Variants in LARS2 observed in about 807,000 individuals in gnomAD.
LARS2 encodes the protein leucyl-tRNA synthetase 2, mitochondrial.
Under a neutral mutation model 116.6 loss-of-function variants are expected in LARS2, and 81 were observed. The ratio of observed to expected loss-of-function variants is 0.69; its 90% CI spans 0.58 to 0.84. The LOEUF is 0.84. Among genes scored for constraint, LARS2 ranks in the 40% least tolerant of loss-of-function variants. The pLI is 0.00. For synonymous variants in LARS2, 396 were observed against 407.2 expected (o/e 0.97, Z 0.33); for missense variants, 968 against 1,114.5 (o/e 0.87, Z 1.87).
chr3:45,458,367 T>C (rs201750962), intron 7 of LARS2, among the ~76,000 whole-genome samples: 16 of 152,112 alleles, frequency 1.1e-4, no homozygotes, highest in Non-Finnish European at 2.2e-4. Flanking sequence ...CCCTCTCCCA[T>C]GTAAGAAACC....
At chr3:45,494,271 G>A (rs1271680018) in intron 13 of LARS2, among the ~76,000 whole-genome samples, 3 of 152,160 alleles carry the variant, frequency 2.0e-5, no homozygotes, top group African/African-American at 7.2e-5. Flanking sequence ...GGACTATGTG[G>A]GGGACTGGCC....
At chr3:45,430,583 CTTTT>C (rs35964512) in intron 6 of LARS2, among the ~76,000 whole-genome samples, 14 of 90,382 alleles carry the variant, frequency 1.5e-4, no homozygotes, top group Admixed American at 2.4e-4. Flanking sequence ...CCCGGCCAAT[CTTTT>C]TTTTTTTTTT....
chr3:45,404,755 C>T (rs1698205394), intron 4 of LARS2, among the ~76,000 whole-genome samples: 1 of 152,042 alleles, frequency 6.6e-6, no homozygotes, highest in Admixed American at 6.6e-5. Flanking sequence ...GCCACCACAC[C>T]CGGCTAATTT....
chr3:45,476,913 T>C (rs1699620934), intron 10 of LARS2, among the ~76,000 whole-genome samples: 1 of 152,212 alleles, frequency 6.6e-6, no homozygotes. Context: ...TCTTTTCTCC[T>C]AGTTATAAAT....
chr3:45,496,033 G>A (rs1045495517), intron 13 of LARS2, among the ~76,000 whole-genome samples: 2 of 152,016 alleles, frequency 1.3e-5, no homozygotes, highest in African/African-American at 2.4e-5. Flanking sequence ...CTAATTGTTC[G>A]TATTTTTAGT....
intron 6 of LARS2, among the ~76,000 whole-genome samples, chr3:45,446,404 G>T (rs546248860): frequency 3.3e-5 from 5 of 152,124 alleles, no homozygotes; most frequent in Non-Finnish European, 5.9e-5. Flanking sequence ...TGGAATATAC[G>T]AGTCTAAAGG....
chr3:45,523,900 C>A, intron 19 of LARS2, 97 bp from the exon 20 acceptor site: 1 of 848,638 alleles, frequency 1.2e-6, no homozygotes, highest in Non-Finnish European at 1.9e-6. Flanking sequence ...TTCTTCCTAC[C>A]AGCTTGTGTC....
rs1699579358 is a variant in LARS2 at position 45,474,396 on chromosome 3, CT to C, written c.858+47del. The C allele has an allele frequency of 2.3e-6, 3 of 1,297,766 alleles. No individual in the cohort carries two copies. The Admixed American group carries it at 5.5e-5, about 24-fold the overall frequency. The allele number at this position is 1,297,766 out of a possible 1,614,324, so 80.4% of individuals were successfully genotyped here. ...CCAGCAATTCATGATCACAAATCTCCTCTACATTTGGGACTCACTGAGTAAA... is the reference window on the plus strand; with the variant it reads ...CCAGCAATTCATGATCACAAATCTCCCTACATTTGGGACTCACTGAGTAAA... On this transcript the variant is annotated intron_variant, in intron 9 of 21. Coordinates refer to ENST00000645846, the MANE Select transcript of LARS2 (RefSeq NM_015340.4).
At chr3:45,432,775 A>G (rs1394994078) in intron 6 of LARS2, among the ~76,000 whole-genome samples, 2 of 152,106 alleles carry the variant, frequency 1.3e-5, no homozygotes, top group Non-Finnish European at 2.9e-5. Context: ...AATAAATATT[A>G]GAGTAAAGAT....
intron 20 of LARS2, 59 bp from the exon 21 acceptor site, chr3:45,541,770 C>T (rs1700799757): frequency 1.3e-6 from 2 of 1,592,826 alleles, no homozygotes; most frequent in Admixed American, 1.7e-5. Flanking sequence ...TTTGGTCCTG[C>T]TCTCATAAGC....
intron 3 of LARS2, among the ~76,000 whole-genome samples, chr3:45,397,446 T>A (rs2125673737): frequency 6.6e-6 from 1 of 152,324 alleles, no homozygotes; most frequent in Admixed American, 6.5e-5. Context: ...GAACTCAGAT[T>A]TGGATTTTGG....
intron 20 of LARS2, among the ~76,000 whole-genome samples, chr3:45,533,755 A>G (rs572178179): frequency 6.6e-6 from 1 of 152,272 alleles, no homozygotes; most frequent in East Asian, 1.9e-4. Flanking sequence ...ATGGTAGTGT[A>G]CACTGTGGTT....
At chr3:45,419,178 G>A (rs1026666887) in intron 5 of LARS2, among the ~76,000 whole-genome samples, 34 of 152,100 alleles carry the variant, frequency 2.2e-4, no homozygotes, top group African/African-American at 7.7e-4. Flanking sequence ...TTATCTCCCT[G>A]TTTCTCAATG....
chr3:45,535,356 T>TAAA (rs377184295), intron 20 of LARS2, among the ~76,000 whole-genome samples: 4 of 134,192 alleles, frequency 3.0e-5, no homozygotes, highest in African/African-American at 8.0e-5. Flanking sequence ...CTGTCTCAAT[T>TAAA]AAAAAAAAAA....
chr3:45,478,380 G>T (rs1056515789), intron 10 of LARS2, among the ~76,000 whole-genome samples: 1 of 152,130 alleles, frequency 6.6e-6, no homozygotes, highest in African/African-American at 2.4e-5. Context: ...TAAATTTGGG[G>T]ACACAAATGA....
chr3:45,504,762 G>A (rs2125743788), intron 15 of LARS2, among the ~76,000 whole-genome samples: 1 of 150,144 alleles, frequency 6.7e-6, no homozygotes, highest in East Asian at 1.9e-4. Context: ...TTTTTGTTTT[G>A]TTTTGTTTGT....
intron 4 of LARS2, among the ~76,000 whole-genome samples, chr3:45,411,173 G>A (rs35436873): frequency 0.47 from 70,830 of 152,058 alleles, 17,695 homozygotes; most frequent in Non-Finnish European, 0.57. Context: ...GAGCATCTGC[G>A]CCACTTACAG....
chr3:45,530,905 C>T (rs1041050543), intron 20 of LARS2, among the ~76,000 whole-genome samples: 2 of 151,940 alleles, frequency 1.3e-5, no homozygotes, highest in Middle Eastern at 3.2e-3. Context: ...GTTAAGTTTC[C>T]CCAAAATCAC....
At chr3:45,515,047 G>A (rs144376061) in intron 16 of LARS2, among the ~76,000 whole-genome samples, 583 of 152,234 alleles carry the variant, frequency 3.8e-3, no homozygotes, top group South Asian at 8.1e-3. Context: ...TCTGTACATC[G>A]GTCCCCTGTT....
Sources: allele counts gnomAD v4.1 joint callset (sites outside exome capture counted in the v4.1 genomes callset), GRCh38; gene constraint gnomAD v4.1.1; transcripts MANE v1.5; gene names NCBI Gene and HGNC (gene_info 2026-07-23, HGNC 2026-07-21).